Variants in RNF38 observed in about 807,000 individuals in gnomAD.
The protein encoded by RNF38 is E3 ubiquitin-protein ligase RNF38.
RNF38 carries 15 observed loss-of-function variants against 67.2 expected under a neutral mutation model. That is an observed-to-expected ratio of 0.22 (90% CI 0.15 to 0.34). The LOEUF is 0.34. RNF38 is among the 10% of genes least tolerant of loss of function. RNF38 has a pLI of 1.00. For synonymous variants in RNF38, 220 were observed against 218.8 expected, an observed-to-expected ratio of 1.01 and a Z score of -0.05; for missense variants, 524 against 639.9, an observed-to-expected ratio of 0.82 and a Z score of 1.95.
chr9:36,379,488 C>G (rs1343448016), intron 2 of RNF38, among the ~76,000 whole-genome samples: 2 of 152,062 alleles, frequency 1.3e-5, no homozygotes, highest in Non-Finnish European at 2.9e-5. Flanking sequence ...TCCAATCACA[C>G]TATTAATCTA....
At chr9:36,393,896 T>C (rs941887092) in intron 1 of RNF38, among the ~76,000 whole-genome samples, 2 of 152,100 alleles carry the variant, frequency 1.3e-5, no homozygotes, top group African/African-American at 2.4e-5. Flanking sequence ...AGTCACCAGT[T>C]GACGACCAGC....
At chr9:36,361,636 T>C (rs376113733) in intron 4 of RNF38, among the ~76,000 whole-genome samples, 3 of 152,232 alleles carry the variant, frequency 2.0e-5, no homozygotes, top group Admixed American at 6.5e-5. Flanking sequence ...TTAGTTCTGA[T>C]AGTTCTTCAC....
intron 1 of RNF38, among the ~76,000 whole-genome samples, chr9:36,473,117 C>A (rs143297128): frequency 0.05 from 7,630 of 151,126 alleles, 596 homozygotes; most frequent in African/African-American, 0.17. Flanking sequence ...GGGTGACAAG[C>A]GCGAAACTCC....
rs576241982 is a variant in RNF38 at position 36,350,406 on chromosome 9, C to T, written c.1263+709G>A. Reference sequence around the variant, plus strand: ...AACATTTAGTGGCTCCTTCCTCCTCCACAATATTCAAAATCATGTCCACTC... The same window carrying T: ...AACATTTAGTGGCTCCTTCCTCCTCTACAATATTCAAAATCATGTCCACTC... On this transcript the variant is annotated intron_variant, in intron 9 of 11. Coordinates refer to ENST00000259605, the MANE Select transcript of RNF38 (RefSeq NM_022781.5). 2.6e-5 allele frequency among the ~76,000 whole-genome samples: 4 copies of T among 152,310 alleles called. No homozygotes were observed. The South Asian group carries it at 8.3e-4, about 32-fold the overall frequency.
intron 2 of RNF38, among the ~76,000 whole-genome samples, chr9:36,419,046 G>A (rs908010602): frequency 6.6e-6 from 1 of 152,060 alleles, no homozygotes; most frequent in Non-Finnish European, 1.5e-5. Context: ...GGTACATCTC[G>A]AGCAAAAATC....
chr9:36,442,073 G>T (rs188948179), intron 1 of RNF38, among the ~76,000 whole-genome samples: 14 of 152,228 alleles, frequency 9.2e-5, no homozygotes, highest in African/African-American at 2.9e-4. Flanking sequence ...ACTTATAAGG[G>T]GGGGAGGGGG....
At chr9:36,385,540 G>A (rs1339425341) in intron 2 of RNF38, among the ~76,000 whole-genome samples, 3 of 151,962 alleles carry the variant, frequency 2.0e-5, no homozygotes, top group Admixed American at 2.0e-4. Context: ...CACCACATCC[G>A]GATAATTTTT....
chr9:36,394,677 TCAGAAATA>T (rs963304075), intron 1 of RNF38, among the ~76,000 whole-genome samples: 1 of 152,176 alleles, frequency 6.6e-6, no homozygotes, highest in African/African-American at 2.4e-5. Context: ...GTCACATACC[TCAGAAATA>T]TCAAAACCAT....
intron 1 of RNF38, among the ~76,000 whole-genome samples, chr9:36,435,711 G>A (rs1839049163): frequency 6.6e-6 from 1 of 150,840 alleles, no homozygotes; most frequent in Non-Finnish European, 1.5e-5. Context: ...CTCCCTGCAA[G>A]CTCCGCCTCC....
At chr9:36,485,304 G>GTATATATATATATATATATATA (rs1156313770) in intron 1 of RNF38, among the ~76,000 whole-genome samples, 1,582 of 150,296 alleles carry the variant, frequency 0.011, 42 homozygotes, top group African/African-American at 0.037. Flanking sequence ...ATCTCTTAGG[G>GTATATATATATATATATATATA]TATATATACA....
At chr9:36,463,908 C>T (rs1034355323) in intron 1 of RNF38, among the ~76,000 whole-genome samples, 1 of 152,200 alleles carries the variant, frequency 6.6e-6, no homozygotes, top group African/African-American at 2.4e-5. Flanking sequence ...TGGCTCACGC[C>T]TGTAATCCCA....
intron 1 of RNF38, among the ~76,000 whole-genome samples, chr9:36,437,694 C>G (rs1389954035): frequency 6.6e-6 from 1 of 152,060 alleles, no homozygotes; most frequent in Non-Finnish European, 1.5e-5. Context: ...GGAAGGGAAA[C>G]AAAACCTACA....
intron 1 of RNF38, among the ~76,000 whole-genome samples, chr9:36,443,106 G>A (rs1410489950): frequency 2.0e-5 from 3 of 152,206 alleles, no homozygotes; most frequent in Non-Finnish European, 2.9e-5. Context: ...CACTTCTATG[G>A]ATGCCTTAAA....
At chr9:36,399,856 A>C (rs936832431) in intron 1 of RNF38, among the ~76,000 whole-genome samples, 1 of 152,166 alleles carries the variant, frequency 6.6e-6, no homozygotes, top group Non-Finnish European at 1.5e-5. Context: ...CAACACTCGC[A>C]ATCAAGGCCA....
Position 36,351,210 on chromosome 9 carries a change from A to G in RNF38, c.1179-11T>C. On this transcript the variant is annotated splice_polypyrimidine_tract_variant and intron_variant, in intron 8 of 11. Coordinates refer to ENST00000259605, the MANE Select transcript of RNF38 (RefSeq NM_022781.5). ...ACTGGAAGCATTGATCTGCAGTGAA[A>G]ACAATCACACTAGCATTGATATGTT... 6.3e-7 allele frequency: 1 copy of G among 1,594,670 alleles called. No homozygotes were observed. The highest frequency in any genetic ancestry group is 8.6e-7 in the Non-Finnish European group (1 of 1,164,160).
intron 1 of RNF38, among the ~76,000 whole-genome samples, chr9:36,457,388 A>G (rs141355961): frequency 1.3e-5 from 2 of 152,358 alleles, no homozygotes; most frequent in African/African-American, 4.8e-5. Context: ...TATTAATTGT[A>G]ACTCTTTTCC....
At chr9:36,451,953 A>T (rs1839461850) in intron 1 of RNF38, among the ~76,000 whole-genome samples, 1 of 152,086 alleles carries the variant, frequency 6.6e-6, no homozygotes, top group Non-Finnish European at 1.5e-5. Context: ...GCGGTGGCTC[A>T]CCCCTGTAAT....
intron 1 of RNF38, among the ~76,000 whole-genome samples, chr9:36,477,084 G>C (rs1464409859): frequency 5.3e-5 from 8 of 152,082 alleles, no homozygotes; most frequent in Admixed American, 5.2e-4. Context: ...AGCACTTTGG[G>C]GGGCTGAGGC....
intron 9 of RNF38, among the ~76,000 whole-genome samples, chr9:36,350,065 G>A (rs994947243): frequency 5.3e-5 from 8 of 152,024 alleles, no homozygotes; most frequent in African/African-American, 1.4e-4. Context: ...TGATTTACCC[G>A]CCTTGGCCTC....
Sources: allele counts gnomAD v4.1 joint callset (sites outside exome capture counted in the v4.1 genomes callset), GRCh38; gene constraint gnomAD v4.1.1; transcripts MANE v1.5; gene names NCBI Gene and HGNC (gene_info 2026-07-23, HGNC 2026-07-21).